TMTC2: variants seen among roughly 807,000 people sequenced by gnomAD.
TMTC2 encodes transmembrane O-mannosyltransferase targeting cadherins 2, also known as protein O-mannosyl-transferase TMTC2.
Under a neutral mutation model 82.4 loss-of-function variants are expected in TMTC2, and 43 were observed. The observed-to-expected ratio is 0.52, with a 90% CI of 0.41 to 0.67. The LOEUF (loss-of-function observed/expected upper bound fraction) is 0.67, where lower values mean the gene tolerates loss of function less well. TMTC2 is among the 30% of genes least tolerant of loss of function. The pLI is 0.00. For missense variants in TMTC2, 919 were observed against 1,012.4 expected (o/e 0.91, Z 1.25); for synonymous variants, 408 against 381.9 (o/e 1.07, Z -0.80).
chr12:82,836,941 A>G (rs1387271100), intron 1 of TMTC2, among the ~76,000 whole-genome samples: 8 of 152,128 alleles, frequency 5.3e-5, no homozygotes, highest in African/African-American at 1.9e-4. Context: ...TACTCAAAAT[A>G]TTTTACTGCT....
At chr12:82,705,583 G>A (rs1456256770) in intron 1 of TMTC2, among the ~76,000 whole-genome samples, 1 of 152,202 alleles carries the variant, frequency 6.6e-6, no homozygotes, top group Non-Finnish European at 1.5e-5. Flanking sequence ...AAATTTTGGA[G>A]AAACATTTGA....
At chr12:83,017,162 G>A (rs1278334864) in intron 8 of TMTC2, among the ~76,000 whole-genome samples, 1 of 152,146 alleles carries the variant, frequency 6.6e-6, no homozygotes, top group South Asian at 2.1e-4. Context: ...GGAATGGACA[G>A]CTGAGGTCAC....
intron 1 of TMTC2, among the ~76,000 whole-genome samples, chr12:82,777,534 C>T (rs562715896): frequency 1.3e-5 from 2 of 152,040 alleles, no homozygotes; most frequent in South Asian, 2.1e-4. Context: ...CAAAATGTTC[C>T]ACTCTTTTAT....
At chr12:82,916,608 A>T (rs1875013229) in intron 3 of TMTC2, among the ~76,000 whole-genome samples, 1 of 152,222 alleles carries the variant, frequency 6.6e-6, no homozygotes, top group African/African-American at 2.4e-5. Flanking sequence ...AATGCCAAGG[A>T]ACAACCGTAG....
intron 1 of TMTC2, among the ~76,000 whole-genome samples, chr12:82,752,165 TTC>T (rs1327867737): frequency 8.9e-4 from 135 of 151,242 alleles, no homozygotes; most frequent in African/African-American, 3.1e-3. Flanking sequence ...TTTTTTTTTT[TTC>T]TGAAGGCTTT....
At chr12:82,775,484 A>G (rs11115413) in intron 1 of TMTC2, among the ~76,000 whole-genome samples, 17,380 of 151,936 alleles carry the variant, frequency 0.11, 1,086 homozygotes, top group Middle Eastern at 0.2. Flanking sequence ...AAGAGAAACA[A>G]GATTTCCATA....
At chr12:82,852,247 G>A (rs1020285520) in intron 1 of TMTC2, among the ~76,000 whole-genome samples, 16 of 151,906 alleles carry the variant, frequency 1.1e-4, no homozygotes, top group African/African-American at 3.6e-4. Flanking sequence ...AACTACAAGC[G>A]CCCGCCACCA....
intron 1 of TMTC2, among the ~76,000 whole-genome samples, chr12:82,811,807 C>CTTTTTTT (rs1171596880): frequency 6.6e-5 from 6 of 91,096 alleles, no homozygotes; most frequent in Non-Finnish European, 1.3e-4. Context: ...TGCTCTCCTT[C>CTTTTTTT]TTTTTTTTTT....
In TMTC2 at chr12:82,921,932, A is replaced by G. The variant is rs571321955; in HGVS notation, c.1484-8499A>G. ...GGGCAACATAGTGAGACCCACCTCTACAAAAATTAAAATTAAAAAAAAAAA... is the reference window on the plus strand; with the variant it reads ...GGGCAACATAGTGAGACCCACCTCTGCAAAAATTAAAATTAAAAAAAAAAA... On this transcript the variant is annotated intron_variant, in intron 3 of 11. Transcript: ENST00000321196. 1.4e-3 allele frequency among the ~76,000 whole-genome samples: 215 copies of G among 151,514 alleles called. 1 individual carries two copies. The highest frequency in any genetic ancestry group is 4.9e-3 in the African/African-American group (203 of 41,262).
rs745976076 is a variant in TMTC2, at chr12:82,951,097, T to C, written c.1599-13927T>C. Among the ~76,000 whole-genome samples, 153 of 152,292 alleles carry C rather than the reference T, an allele frequency of 1.0e-3. 1 individual carries two copies. The highest frequency in any genetic ancestry group is 3.4e-3 in the Middle Eastern group (1 of 294). On this transcript the variant is annotated intron_variant, in intron 4 of 11. Coordinates refer to ENST00000321196, the MANE Select transcript of TMTC2 (RefSeq NM_152588.3). ...GTATTTTCTGACACCTACTTTGCAG[T>C]TTTGTGACACAAGTGACACACTCTG...
At chr12:82,892,569 G>T (rs1383139312) in intron 2 of TMTC2, among the ~76,000 whole-genome samples, 1 of 152,120 alleles carries the variant, frequency 6.6e-6, no homozygotes, top group Non-Finnish European at 1.5e-5. Context: ...TCATTGTTAA[G>T]GCTAACTACT....
chr12:82,746,181 G>T (rs760858832), intron 1 of TMTC2, among the ~76,000 whole-genome samples: 1 of 152,192 alleles, frequency 6.6e-6, no homozygotes, highest in East Asian at 1.9e-4. Flanking sequence ...ACTAAGAACT[G>T]CATGTATATT....
intron 9 of TMTC2, among the ~76,000 whole-genome samples, chr12:83,049,945 G>T (rs182503310): frequency 1.2e-3 from 189 of 152,174 alleles, no homozygotes; most frequent in African/African-American, 4.3e-3. Flanking sequence ...ATGCTTGTTG[G>T]CTGTGTATAT....
intron 8 of TMTC2, among the ~76,000 whole-genome samples, chr12:82,995,032 A>G (rs919579235): frequency 1.3e-5 from 2 of 150,978 alleles, no homozygotes; most frequent in African/African-American, 4.9e-5. Context: ...TCTTTCTGCT[A>G]CATCATATTG....
At position 82,811,264 on chromosome 12, in the gene TMTC2, T is replaced by A. The variant is rs555113028; in HGVS notation, c.84-45746T>A. ...AAATAAAATCTCCTTCTTTTATAAA[T>A]TACCCAGTCTTGGGCAGTTCTTTAT... On this transcript the variant is annotated intron_variant, in intron 1 of 11. Transcript: ENST00000321196. Among the ~76,000 whole-genome samples the A allele has an allele frequency of 5.3e-5, 8 of 152,124 alleles. 1 individual carries two copies. In the South Asian group the frequency reaches 1.7e-3, roughly 32 times the overall value.
intron 7 of TMTC2, among the ~76,000 whole-genome samples, chr12:82,969,988 C>T (rs1878378062): frequency 6.6e-6 from 1 of 152,102 alleles, no homozygotes; most frequent in South Asian, 2.1e-4. Context: ...GAGAACAAAT[C>T]ACAAAATATG....
intron 4 of TMTC2, among the ~76,000 whole-genome samples, chr12:82,938,671 T>C (rs574301485): frequency 4.6e-5 from 7 of 152,270 alleles, no homozygotes; most frequent in African/African-American, 1.7e-4. Flanking sequence ...TGGAATGAAG[T>C]GGGGCAGCTT....
chr12:82,879,276 C>T (rs566948319), intron 2 of TMTC2, among the ~76,000 whole-genome samples: 1 of 152,132 alleles, frequency 6.6e-6, no homozygotes, highest in South Asian at 2.1e-4. Context: ...GGTTTATAGC[C>T]GTGGTCCCCA....
At chr12:82,811,542 A>G (rs1565760653) in intron 1 of TMTC2, among the ~76,000 whole-genome samples, 1 of 152,054 alleles carries the variant, frequency 6.6e-6, no homozygotes, top group African/African-American at 2.4e-5. Flanking sequence ...GTACAAATGT[A>G]TGTATAAGGA....
Sources: allele counts gnomAD v4.1 joint callset (sites outside exome capture counted in the v4.1 genomes callset), GRCh38; gene constraint gnomAD v4.1.1; transcripts MANE v1.5; gene names NCBI Gene and HGNC (gene_info 2026-07-23, HGNC 2026-07-21).